CTDSPL: variants seen among roughly 807,000 people sequenced by gnomAD.
The protein encoded by CTDSPL is CTD small phosphatase-like protein.
CTDSPL carries 8 observed loss-of-function variants against 30.5 expected under a neutral mutation model. The observed-to-expected ratio is 0.26, with a 90% CI of 0.15 to 0.47. CTDSPL has a LOEUF of 0.47. Among genes scored for constraint, CTDSPL ranks in the 20% least tolerant of loss-of-function variants. The pLI, the probability that CTDSPL is intolerant of heterozygous loss-of-function variation, is 0.99. For missense variants in CTDSPL, 248 were observed against 366.1 expected, an observed-to-expected ratio of 0.68 and a Z score of 2.63; for synonymous variants, 110 against 137.9, an observed-to-expected ratio of 0.80 and a Z score of 1.42.
At position 37,982,263 on chromosome 3, in the gene CTDSPL, A is replaced by G. The variant is rs886707113; in HGVS notation, c.*1396A>G. 3.0e-6 allele frequency: 1 copy of G among 329,494 alleles called. No homozygotes were observed. Among genetic ancestry groups the G allele is most frequent in the Admixed American group, 4.2e-5 (1 of 23,638 alleles). 20.4% of individuals were successfully genotyped at this position (329,494 alleles called of 1,614,324 possible). A position where few individuals can be genotyped will look rare whatever the true frequency, so the allele number is the denominator to read the frequency against. The stretch of plus-strand genomic sequence containing the variant: ...CCAAGGGTTGGGGAAGCCTGTCTAG[A>G]TGTGGGACTCATTGCCCCAAACCAG... On this transcript the variant is annotated 3_prime_UTR_variant, in exon 8 of 8. Coordinates refer to ENST00000273179, the MANE Select transcript of CTDSPL (RefSeq NM_001008392.2).
chr3:37,968,878 GC>G (rs1699330962), intron 5 of CTDSPL, among the ~76,000 whole-genome samples: 1 of 152,152 alleles, frequency 6.6e-6, no homozygotes, highest in African/African-American at 2.4e-5. Context: ...CTGCCTCCTG[GC>G]CCAGGGCTCT....
chr3:37,889,015 T>C (rs142392947), intron 1 of CTDSPL, among the ~76,000 whole-genome samples: 48 of 152,340 alleles, frequency 3.2e-4, no homozygotes, highest in African/African-American at 9.1e-4. Flanking sequence ...TACCTCTGGG[T>C]CTTTTAAAAT....
chr3:37,979,974 CGTA>C (rs1699471630), intron 7 of CTDSPL, among the ~76,000 whole-genome samples: 1 of 152,160 alleles, frequency 6.6e-6, no homozygotes, highest in African/African-American at 2.4e-5. Context: ...ATCCCCTAGG[CGTA>C]GTCATTTCTT....
chr3:37,937,203 G>C (rs918032967), intron 1 of CTDSPL, among the ~76,000 whole-genome samples: 7 of 150,158 alleles, frequency 4.7e-5, no homozygotes, highest in Non-Finnish European at 9.0e-5. Flanking sequence ...TCAGAGGTAG[G>C]GGGGCTTGTG....
chr3:37,887,126 C>G (rs1412764229), intron 1 of CTDSPL, among the ~76,000 whole-genome samples: 1 of 152,206 alleles, frequency 6.6e-6, no homozygotes, highest in African/African-American at 2.4e-5. Context: ...TGTGTACCTT[C>G]TCAGCCAAAC....
At chr3:37,910,519 C>A (rs556548930) in intron 1 of CTDSPL, among the ~76,000 whole-genome samples, 16 of 152,034 alleles carry the variant, frequency 1.1e-4, no homozygotes, top group African/African-American at 2.4e-4. Flanking sequence ...ACAAAAAAAA[C>A]CAGTCTGAAT....
chr3:37,968,308 TATC>T (rs1559647542), intron 5 of CTDSPL: 5 of 449,700 alleles, frequency 1.1e-5, no homozygotes, highest in Non-Finnish European at 1.8e-5. Flanking sequence ...AGACTGATCT[TATC>T]ATTCCTGCAT....
At chr3:37,888,320 C>T (rs1006937042) in intron 1 of CTDSPL, among the ~76,000 whole-genome samples, 2 of 152,162 alleles carry the variant, frequency 1.3e-5, no homozygotes, top group African/African-American at 2.4e-5. Flanking sequence ...TGACACAAAG[C>T]TGAATTTGTC....
chr3:37,972,222 C>T (rs1206400590), intron 6 of CTDSPL, among the ~76,000 whole-genome samples: 4 of 152,132 alleles, frequency 2.6e-5, no homozygotes, highest in South Asian at 2.1e-4. Context: ...ATAGGCCGGG[C>T]GCGGTTGCTC....
chr3:37,971,296 G>A lies in CTDSPL; in HGVS notation c.427-111G>A, dbSNP rs987066668. ...TCTGCCTGCTATGCATAGACCTGGG[G>A]GAGGGAGGCAGGAACCTTTGTAGCA... On this transcript the variant is annotated intron_variant, in intron 5 of 7. Transcript: ENST00000273179. 15 of 893,436 alleles carry A rather than the reference G, an allele frequency of 1.7e-5. No individual in the cohort carries two copies. In the African/African-American group the frequency reaches 2.3e-4, roughly 14 times the overall value. 55.3% of individuals were successfully genotyped at this position (893,436 alleles called of 1,614,324 possible).
At chr3:37,960,359 A>G (rs1446056167) in intron 3 of CTDSPL, among the ~76,000 whole-genome samples, 2 of 151,000 alleles carry the variant, frequency 1.3e-5, no homozygotes, top group Non-Finnish European at 3.0e-5. Flanking sequence ...ACATGCCAGT[A>G]ATCCCAGCTA....
At chr3:37,882,585 C>G (rs1319704763) in intron 1 of CTDSPL, among the ~76,000 whole-genome samples, 1 of 152,084 alleles carries the variant, frequency 6.6e-6, no homozygotes, top group Non-Finnish European at 1.5e-5. Flanking sequence ...CCACTGCACT[C>G]TAGCCTGAGT....
chr3:37,870,222 T>C (rs1349326563), intron 1 of CTDSPL, among the ~76,000 whole-genome samples: 2 of 152,062 alleles, frequency 1.3e-5, no homozygotes, highest in African/African-American at 2.4e-5. Context: ...AAACTACAGA[T>C]TGAATTTTCT....
At position 37,981,129 on chromosome 3, in the gene CTDSPL, G is replaced by GAAAAAAAAAAAAAAA. The variant is rs375264235; in HGVS notation, c.*265_*279dup. Reference sequence around the variant, plus strand: ...AAACATACCAAAAAAGAAAAAAATAGAAAAAAAAAAAAAAAAAGCTTGATC... The same window carrying GAAAAAAAAAAAAAAA: ...AAACATACCAAAAAAGAAAAAAATAGAAAAAAAAAAAAAAAAAAAAAAAAAAAAAAAAGCTTGATC... On this transcript the variant is annotated 3_prime_UTR_variant, in exon 8 of 8. Coordinates refer to ENST00000273179, the MANE Select transcript of CTDSPL (RefSeq NM_001008392.2). The GAAAAAAAAAAAAAAA allele has an allele frequency of 2.4e-5, 2 of 83,800 alleles. No individual in the cohort carries two copies. Among genetic ancestry groups the GAAAAAAAAAAAAAAA allele is most frequent in the Non-Finnish European group, 5.1e-5 (2 of 38,950 alleles). The allele number at this position is 83,800 out of a possible 1,614,324, so 5.2% of individuals were successfully genotyped here.
chr3:37,944,287 C>CT (rs1699011362), intron 1 of CTDSPL, among the ~76,000 whole-genome samples: 1 of 150,298 alleles, frequency 6.7e-6, no homozygotes, highest in Admixed American at 6.7e-5. Flanking sequence ...CAATTATAAT[C>CT]TTTTTTAGTT....
chr3:37,978,236 T>G (rs1699451500), intron 7 of CTDSPL, among the ~76,000 whole-genome samples: 1 of 152,242 alleles, frequency 6.6e-6, no homozygotes, highest in Admixed American at 6.5e-5. Flanking sequence ...ATGGATTTGT[T>G]GTAGTTTCAG....
At chr3:37,875,518 A>G (rs993321019) in intron 1 of CTDSPL, among the ~76,000 whole-genome samples, 1 of 152,224 alleles carries the variant, frequency 6.6e-6, no homozygotes, top group Non-Finnish European at 1.5e-5. Context: ...AACAGACTGC[A>G]CTGCCTTGTC....
chr3:37,973,523 C>T (rs1420783395), intron 6 of CTDSPL, among the ~76,000 whole-genome samples: 4 of 152,242 alleles, frequency 2.6e-5, no homozygotes, highest in Non-Finnish European at 5.9e-5. Flanking sequence ...CACGTGCAGC[C>T]TTCCACCCTC....
intron 1 of CTDSPL, among the ~76,000 whole-genome samples, chr3:37,874,866 T>A (rs1043174285): frequency 6.6e-6 from 1 of 152,124 alleles, no homozygotes. Flanking sequence ...AGTGAAGGGA[T>A]TCTCTTGGGT....
Sources: allele counts gnomAD v4.1 joint callset (sites outside exome capture counted in the v4.1 genomes callset), GRCh38; gene constraint gnomAD v4.1.1; transcripts MANE v1.5; gene names NCBI Gene and HGNC (gene_info 2026-07-23, HGNC 2026-07-21).